EEF2K: variants seen among roughly 807,000 people sequenced by gnomAD.
The protein encoded by EEF2K is alternative protein EEF2K.
A neutral mutation model predicts 93.8 loss-of-function variants in EEF2K; 70 were observed. The observed-to-expected ratio is 0.75, with a 90% CI of 0.62 to 0.91. The LOEUF (loss-of-function observed/expected upper bound fraction) is 0.91, where lower values mean the gene tolerates loss of function less well. EEF2K is among the 40% of genes least tolerant of loss of function. The pLI is 0.00. For missense variants in EEF2K, 935 were observed against 972.9 expected, an observed-to-expected ratio of 0.96 and a Z score of 0.52; for synonymous variants, 376 against 380.8, an observed-to-expected ratio of 0.99 and a Z score of 0.15.
At chr16:22,211,117 C>T (rs1001663906) in intron 1 of EEF2K, among the ~76,000 whole-genome samples, 6 of 152,210 alleles carry the variant, frequency 3.9e-5, no homozygotes, top group Non-Finnish European at 8.8e-5. Context: ...TGGAGGAAAG[C>T]CAGCTCTCTG....
chr16:22,277,899 C>T (rs1180141227), intron 16 of EEF2K, among the ~76,000 whole-genome samples: 1 of 152,052 alleles, frequency 6.6e-6, no homozygotes, highest in African/African-American at 2.4e-5. Flanking sequence ...CATCACCTGG[C>T]AGAAGAGAAG....
chr16:22,283,614 G>A (rs1415928176), intron 17 of EEF2K, among the ~76,000 whole-genome samples: 6 of 152,268 alleles, frequency 3.9e-5, no homozygotes, highest in Middle Eastern at 3.4e-3. Flanking sequence ...AACAGTAGTT[G>A]TTTAGATGGC....
chr16:22,244,769 C>A (rs1196727261), intron 3 of EEF2K, 39 bp downstream of exon 3: 3 of 1,602,290 alleles, frequency 1.9e-6, no homozygotes, highest in African/African-American at 1.3e-5. Flanking sequence ...GTCCTGGGGG[C>A]TATACGTCCA....
chr16:22,272,394 C>G (rs1030254618), intron 15 of EEF2K, among the ~76,000 whole-genome samples: 1 of 152,108 alleles, frequency 6.6e-6, no homozygotes, highest in African/African-American at 2.4e-5. Flanking sequence ...ACAGATGGAC[C>G]GTGAAAGCAC....
At position 22,254,750 on chromosome 16, in the gene EEF2K, T is replaced by C. The variant is rs559129553; in HGVS notation, c.619-1998T>C. 1.4e-3 allele frequency among the ~76,000 whole-genome samples: 206 copies of C among 152,274 alleles called. 2 individuals carry two copies. Among genetic ancestry groups the C allele is most frequent in the Non-Finnish European group, 1.9e-3 (128 of 68,026 alleles). On this transcript the variant is annotated intron_variant, in intron 6 of 17. Coordinates refer to ENST00000263026, the MANE Select transcript of EEF2K (RefSeq NM_013302.5). ...ACTGCTGTTTAGAGGTTGGTTTATA[T>C]TTCTCTAGAATTGTAGCTCCTGATA...
intron 17 of EEF2K, among the ~76,000 whole-genome samples, chr16:22,283,184 C>T (rs1193875105): frequency 6.6e-6 from 1 of 151,644 alleles, no homozygotes; most frequent in Non-Finnish European, 1.5e-5. Context: ...TGGCAGGTGC[C>T]TGTAATCCCA....
In EEF2K at chr16:22,248,834, C is replaced by T. The variant is rs375160574; in HGVS notation, c.408+19C>T. 1.4e-5 allele frequency: 23 copies of T among 1,613,404 alleles called. No homozygotes were observed. In the African/African-American group the frequency reaches 3.1e-4, roughly 22 times the overall value. ...ATCTCAGGTGAGCAGAGCGTTGAGC[C>T]CCGTGGGGACAGGGCTGAGCAAAGA... is the stretch of plus-strand genomic sequence containing the variant. On this transcript the variant is annotated intron_variant, in intron 4 of 17. Coordinates refer to ENST00000263026, the MANE Select transcript of EEF2K (RefSeq NM_013302.5).
chr16:22,262,642 TC>T (rs1238612628), intron 11 of EEF2K, among the ~76,000 whole-genome samples: 2 of 152,042 alleles, frequency 1.3e-5, no homozygotes, highest in Non-Finnish European at 2.9e-5. Flanking sequence ...AGTGGGTGAG[TC>T]ACTCTCAGTA....
intron 1 of EEF2K, among the ~76,000 whole-genome samples, chr16:22,214,671 C>T (rs2046943284): frequency 6.6e-6 from 1 of 151,882 alleles, no homozygotes; most frequent in Non-Finnish European, 1.5e-5. Context: ...TCAGCAACAA[C>T]AACAACAACA....
At chr16:22,275,335 TATTA>T (rs2047624151) in intron 16 of EEF2K, among the ~76,000 whole-genome samples, 2 of 151,312 alleles carry the variant, frequency 1.3e-5, no homozygotes, top group African/African-American at 4.8e-5. Flanking sequence ...TTTTAATTAT[TATTA>T]TTTATTTATT....
At chr16:22,266,345 TC>T in intron 13 of EEF2K, 44 bp from the exon 14 acceptor site, 1 of 1,579,412 alleles carries the variant, frequency 6.3e-7, no homozygotes, top group African/African-American at 1.4e-5. Context: ...TGATGCTGCG[TC>T]CACCCCCAGC....
At chr16:22,263,214 G>C in intron 12 of EEF2K, 27 bp downstream of exon 12, 1 of 1,594,278 alleles carries the variant, frequency 6.3e-7, no homozygotes, top group South Asian at 1.1e-5. Flanking sequence ...AAATGAGACC[G>C]GTGTCACCTG....
At chr16:22,215,506 C>T (rs2046949686) in intron 1 of EEF2K, among the ~76,000 whole-genome samples, 1 of 152,134 alleles carries the variant, frequency 6.6e-6, no homozygotes, top group South Asian at 2.1e-4. Flanking sequence ...TACTATTTCT[C>T]TCAATAGTTT....
chr16:22,225,662 C>T lies in EEF2K; in HGVS notation c.-68C>T. ...CCTTGCTTTCCTTGTAGGACCTTCGCCTCTGCATTTGTCCAGTAACTCTGG... is the reference window on the plus strand; with the variant it reads ...CCTTGCTTTCCTTGTAGGACCTTCGTCTCTGCATTTGTCCAGTAACTCTGG... On this transcript the variant is annotated 5_prime_UTR_variant, in exon 2 of 18. Transcript: ENST00000263026. The T allele has an allele frequency of 6.3e-7, 1 of 1,578,294 alleles. No individual in the cohort carries two copies. Among genetic ancestry groups the T allele is most frequent in the Non-Finnish European group, 8.6e-7 (1 of 1,161,922 alleles).
At chr16:22,226,196 C>T (rs2047061900) in intron 2 of EEF2K, among the ~76,000 whole-genome samples, 1 of 152,150 alleles carries the variant, frequency 6.6e-6, no homozygotes, top group East Asian at 1.9e-4. Context: ...GCCCAGGACA[C>T]ACTACGGAGT....
intron 2 of EEF2K, among the ~76,000 whole-genome samples, chr16:22,238,669 A>G (rs1021911662): frequency 4.0e-5 from 3 of 75,466 alleles, no homozygotes; most frequent in African/African-American, 8.2e-5. Context: ...GAAAAAAGGA[A>G]AAAAAAAAAA....
intron 3 of EEF2K, among the ~76,000 whole-genome samples, chr16:22,245,732 C>G (rs992787723): frequency 6.6e-6 from 1 of 152,060 alleles, no homozygotes; most frequent in Non-Finnish European, 1.5e-5. Flanking sequence ...GGAAATGTTC[C>G]CTGAACCCTC....
chr16:22,258,541 C>T lies in EEF2K; in HGVS notation c.1077C>T (p.Ser359=). The T allele has an allele frequency of 6.2e-7, 1 of 1,614,014 alleles. No individual in the cohort carries two copies. The highest frequency in any genetic ancestry group is 8.5e-7 in the Non-Finnish European group (1 of 1,180,006). The change falls in exon 10 of 18, where the codon AGC becomes AGT. Residue 359 remains serine (S), a synonymous_variant. Transcript: ENST00000263026. ...GAGGAACAGAGGAAAAATGTGGGAG[C>T]CCCCAAGTAAGGACCCTCTCTGGGA... ...ILRGTEEKCG[S]PQVRTLSGSR...
At chr16:22,264,489 A>C (rs761870997) in intron 12 of EEF2K, among the ~76,000 whole-genome samples, 7 of 151,782 alleles carry the variant, frequency 4.6e-5, no homozygotes, top group Admixed American at 2.0e-4. Flanking sequence ...ATATAAACTA[A>C]ACATGCAGTA....
Sources: allele counts gnomAD v4.1 joint callset (sites outside exome capture counted in the v4.1 genomes callset), GRCh38; gene constraint gnomAD v4.1.1; transcripts MANE v1.5; gene names NCBI Gene and HGNC (gene_info 2026-07-23, HGNC 2026-07-21).